Variants in TBC1D19 observed in about 807,000 individuals in gnomAD.
TBC1D19 encodes the protein TBC1 domain family member 19.
In TBC1D19, 60 loss-of-function variants were observed where a neutral mutation model predicts 89.0. That is an observed-to-expected ratio of 0.67 (90% CI 0.55 to 0.84). TBC1D19 has a LOEUF of 0.84. TBC1D19 is among the 40% of genes least tolerant of loss of function. TBC1D19 has a pLI of 0.00. For missense variants in TBC1D19, 500 were observed against 610.8 expected (o/e 0.82, Z 1.91); for synonymous variants, 189 against 199.7 (o/e 0.95, Z 0.45).
At chr4:26,769,484 A>G in the TBC1D19 span, among the ~76,000 whole-genome samples, 1 of 152,214 alleles carries the variant, frequency 6.6e-6, no homozygotes, top group Non-Finnish European at 1.5e-5. Flanking sequence ...AAGTACAAGT[A>G]AAATGTATGA....
chr4:26,809,673 C>G, the TBC1D19 span, among the ~76,000 whole-genome samples: 1 of 152,102 alleles, frequency 6.6e-6, no homozygotes, highest in Non-Finnish European at 1.5e-5. Context: ...CAGCTGAGAC[C>G]GCTGGGCAAT....
chr4:26,751,333 A>G (rs1718946678), intron 19 of TBC1D19, among the ~76,000 whole-genome samples: 1 of 152,210 alleles, frequency 6.6e-6, no homozygotes, highest in East Asian at 1.9e-4. Flanking sequence ...TGGAGCAGAA[A>G]ATTTGGCCAG....
At chr4:26,699,659 T>C (rs568889845) in intron 13 of TBC1D19, among the ~76,000 whole-genome samples, 3 of 152,186 alleles carry the variant, frequency 2.0e-5, no homozygotes, top group South Asian at 2.1e-4. Flanking sequence ...GTGGCACATA[T>C]ACACCATGGA....
At position 26,735,465 on chromosome 4, in the gene TBC1D19, T is replaced by C; in HGVS notation, c.1095T>C (p.Pro365=). The C allele has an allele frequency of 6.4e-7, 1 of 1,556,998 alleles. No homozygotes were observed. Among genetic ancestry groups the C allele is most frequent in the Admixed American group, 1.8e-5 (1 of 54,556 alleles). Residue 365 remains proline (P), a synonymous_variant, in exon 16 of 21, where the codon CCT becomes CCC. Transcript: ENST00000264866. ...AVFYPPNGVI[P]FHGFSMYVAP... The stretch of plus-strand genomic sequence containing the variant: ...CCTTTTTTTTTTTAGGTGTTATCCC[T>C]TTTCATGGATTTTCAATGTATGGTA...
At chr4:26,735,422 A>G (rs567594929) in intron 15 of TBC1D19, 33 bp from the exon 16 acceptor site, 2 of 1,469,246 alleles carry the variant, frequency 1.4e-6, no homozygotes, top group East Asian at 2.4e-5. Context: ...TAGGCCTACT[A>G]CTTATTGAAA....
upstream of TBC1D19, among the ~76,000 whole-genome samples, chr4:26,579,322 A>G (rs1019368954): frequency 1.3e-5 from 2 of 152,212 alleles, no homozygotes; most frequent in African/African-American, 4.8e-5. Flanking sequence ...ACGAAACACC[A>G]GATCATCTCT....
At chr4:26,697,786 G>T (rs1296806762) in intron 13 of TBC1D19, among the ~76,000 whole-genome samples, 2 of 152,022 alleles carry the variant, frequency 1.3e-5, no homozygotes, top group Non-Finnish European at 2.9e-5. Context: ...ATAGATGCAG[G>T]AAAGGCCTTT....
chr4:26,758,338 T>C (rs1719344481), downstream of TBC1D19, among the ~76,000 whole-genome samples: 1 of 152,220 alleles, frequency 6.6e-6, no homozygotes, highest in African/African-American at 2.4e-5. Flanking sequence ...TCAGAAATTG[T>C]TGGGATCTGT....
chr4:26,605,717 T>C (rs1464233473), intron 1 of TBC1D19, among the ~76,000 whole-genome samples: 11 of 150,296 alleles, frequency 7.3e-5, no homozygotes, highest in South Asian at 6.3e-4. Context: ...CAGCACCTGT[T>C]GTTTCCTGAC....
chr4:26,692,029 T>A (rs530336726), intron 13 of TBC1D19, among the ~76,000 whole-genome samples: 293 of 152,304 alleles, frequency 1.9e-3, no homozygotes, highest in Non-Finnish European at 3.0e-3. Flanking sequence ...AAAACATTTA[T>A]TTGAGAAAAG....
At chr4:26,663,408 T>A (rs1187116796) in intron 8 of TBC1D19, among the ~76,000 whole-genome samples, 1 of 152,142 alleles carries the variant, frequency 6.6e-6, no homozygotes, top group Admixed American at 6.5e-5. Flanking sequence ...AATCAATAGA[T>A]GATATCTGAA....
intron 13 of TBC1D19, among the ~76,000 whole-genome samples, chr4:26,710,317 T>A (rs1329780209): frequency 6.6e-6 from 1 of 152,118 alleles, no homozygotes; most frequent in Non-Finnish European, 1.5e-5. Context: ...TTGCTGAGAA[T>A]GATGGTTTCT....
chr4:26,694,781 AG>A (rs564920365), intron 13 of TBC1D19, among the ~76,000 whole-genome samples: 285 of 152,348 alleles, frequency 1.9e-3, no homozygotes, highest in African/African-American at 6.5e-3. Flanking sequence ...CCAGGCAAAC[AG>A]GGTCTGGAGT....
chr4:26,735,736 G>A (rs142734819), intron 16 of TBC1D19, among the ~76,000 whole-genome samples: 46 of 152,120 alleles, frequency 3.0e-4, no homozygotes, highest in African/African-American at 1.1e-3. Flanking sequence ...TATTATGAAC[G>A]TTTTAAAATG....
chr4:26,724,186 A>C (rs766470091), intron 15 of TBC1D19, among the ~76,000 whole-genome samples: 1 of 152,222 alleles, frequency 6.6e-6, no homozygotes, highest in Non-Finnish European at 1.5e-5. Context: ...TGACTGATAC[A>C]AGGTGAGTTA....
intron 3 of TBC1D19, 67 bp downstream of exon 3, chr4:26,614,520 C>A: frequency 9.0e-7 from 1 of 1,114,714 alleles, no homozygotes; most frequent in Admixed American, 2.1e-5. Context: ...AGTAATAAAA[C>A]CAGTATTGTT....
intron 15 of TBC1D19, among the ~76,000 whole-genome samples, chr4:26,734,919 C>CATACACATATATGTGTGTATATATGT (rs1560503617): frequency 2.2e-5 from 2 of 90,350 alleles, no homozygotes; most frequent in East Asian, 3.6e-4. Context: ...CACATGTGTA[C>CATACACATATATGTGTGTATATATGT]ATACACATAT....
intron 7 of TBC1D19, among the ~76,000 whole-genome samples, chr4:26,641,850 G>T (rs1178949205): frequency 1.3e-5 from 2 of 152,116 alleles, no homozygotes; most frequent in Non-Finnish European, 2.9e-5. Context: ...TCAAATGAAT[G>T]AAATGAAGTG....
intron 7 of TBC1D19, among the ~76,000 whole-genome samples, chr4:26,642,183 G>A (rs922390475): frequency 9.2e-5 from 14 of 152,286 alleles, no homozygotes; most frequent in African/African-American, 1.9e-4. Flanking sequence ...CAGAGAGAAA[G>A]GTTGGGTTAC....
Sources: allele counts gnomAD v4.1 joint callset (sites outside exome capture counted in the v4.1 genomes callset), GRCh38; gene constraint gnomAD v4.1.1; transcripts MANE v1.5; gene names NCBI Gene and HGNC (gene_info 2026-07-23, HGNC 2026-07-21).